GABRB1: variants seen among roughly 807,000 people sequenced by gnomAD.
GABRB1 encodes the protein gamma-aminobutyric acid type A receptor subunit beta1.
Under a neutral mutation model 51.6 loss-of-function variants are expected in GABRB1, and 17 were observed. The observed-to-expected ratio is 0.33, with a 90% CI of 0.23 to 0.49. GABRB1 has a LOEUF of 0.49. Ranked by LOEUF, GABRB1 falls within the 20% of genes least tolerant of loss-of-function variation. The pLI is 0.99. For synonymous variants in GABRB1, 247 were observed against 218.9 expected (o/e 1.13, Z -1.14); for missense variants, 410 against 600.6 (o/e 0.68, Z 3.32).
intron 3 of GABRB1, among the ~76,000 whole-genome samples, chr4:47,079,425 G>A (rs7686292): frequency 0.22 from 33,837 of 151,922 alleles, 4,840 homozygotes; most frequent in Middle Eastern, 0.33. Context: ...ATTCTCTGAT[G>A]GTAGTTTGTA....
At chr4:47,006,132 C>T (rs1039083457) in intron 1 of GABRB1, among the ~76,000 whole-genome samples, 11 of 151,674 alleles carry the variant, frequency 7.3e-5, no homozygotes, top group Admixed American at 2.0e-4. Flanking sequence ...AGATCATTTC[C>T]GACAGAATTA....
intron 5 of GABRB1, among the ~76,000 whole-genome samples, chr4:47,399,609 C>G (rs1728309686): frequency 6.6e-6 from 1 of 152,174 alleles, no homozygotes; most frequent in South Asian, 2.1e-4. Context: ...CCTGATTGAT[C>G]TGTTTGATTA....
intron 3 of GABRB1, among the ~76,000 whole-genome samples, chr4:47,140,675 G>A (rs1157939585): frequency 6.6e-6 from 1 of 151,356 alleles, no homozygotes; most frequent in Non-Finnish European, 1.5e-5. Context: ...CCATGAGAAA[G>A]TGCCCTTTCC....
At chr4:47,334,964 T>G (rs983040076) in intron 5 of GABRB1, among the ~76,000 whole-genome samples, 5 of 152,198 alleles carry the variant, frequency 3.3e-5, no homozygotes, top group Admixed American at 3.3e-4. Flanking sequence ...AATATCTTCC[T>G]GGGCAGAGTG....
chr4:47,351,017 TG>T (rs1386354280), intron 5 of GABRB1, among the ~76,000 whole-genome samples: 1 of 152,276 alleles, frequency 6.6e-6, no homozygotes, highest in South Asian at 2.1e-4. Flanking sequence ...TTTTAGAAAA[TG>T]TATAAAAATT....
intron 5 of GABRB1, among the ~76,000 whole-genome samples, chr4:47,344,880 G>A (rs1210067834): frequency 1.3e-5 from 2 of 151,960 alleles, no homozygotes; most frequent in Non-Finnish European, 2.9e-5. Flanking sequence ...GCACCACCAC[G>A]CCCAGCTAAT....
At chr4:46,995,913 A>T (rs543531079) in intron 1 of GABRB1, among the ~76,000 whole-genome samples, 42 of 152,138 alleles carry the variant, frequency 2.8e-4, no homozygotes, top group Non-Finnish European at 5.6e-4. Context: ...GGGTTATAGT[A>T]TTTAAGTTCA....
At position 47,403,300 on chromosome 4, in the gene GABRB1, T is replaced by C. The variant is rs773778765; in HGVS notation, c.545-18T>C. 6.2e-7 allele frequency: 1 copy of C among 1,612,572 alleles called. No homozygotes were observed. The highest frequency in any genetic ancestry group is 8.5e-7 in the Non-Finnish European group (1 of 1,179,290). ...TTTCCTAAACTTTGTTTAACCGTGC[T>C]GTTTTTATTGGTTTCAGATGGCTAT... On this transcript the variant is annotated intron_variant, in intron 5 of 8. Transcript: ENST00000295454.
intron 4 of GABRB1, among the ~76,000 whole-genome samples, chr4:47,222,650 T>A (rs1321664577): frequency 6.6e-6 from 1 of 152,116 alleles, no homozygotes; most frequent in African/African-American, 2.4e-5. Flanking sequence ...TGCATCCACA[T>A]AAGTGATTCT....
Position 47,365,818 on chromosome 4 carries a change from A to T in GABRB1, c.545-37500A>T, listed in dbSNP as rs566255542. ...GAGCTACACCCTCTGGATTCTGAGC[A>T]CAGCTAACCTGCTCTCTCCCTTGAC... On this transcript the variant is annotated intron_variant, in intron 5 of 8. Coordinates refer to ENST00000295454, the MANE Select transcript of GABRB1 (RefSeq NM_000812.4). 9.2e-5 allele frequency among the ~76,000 whole-genome samples: 14 copies of T among 152,282 alleles called. No homozygotes were observed. In the South Asian group the frequency reaches 2.7e-3, roughly 29 times the overall value.
At chr4:47,180,173 T>C (rs755261279) in intron 4 of GABRB1, among the ~76,000 whole-genome samples, 8 of 151,988 alleles carry the variant, frequency 5.3e-5, no homozygotes, top group Non-Finnish European at 1.0e-4. Context: ...AACACCCTGA[T>C]ACAGAGGATG....
chr4:47,274,388 C>T (rs1291239883), intron 4 of GABRB1, among the ~76,000 whole-genome samples: 3 of 152,104 alleles, frequency 2.0e-5, no homozygotes, highest in Admixed American at 1.3e-4. Context: ...AGACTTGAGG[C>T]CCGTTATTAT....
At chr4:47,310,414 T>C (rs752802746) in intron 4 of GABRB1, among the ~76,000 whole-genome samples, 7 of 152,246 alleles carry the variant, frequency 4.6e-5, no homozygotes, top group Non-Finnish European at 8.8e-5. Flanking sequence ...TATCATTTTA[T>C]ACTCACTATG....
chr4:47,264,107 G>C (rs1357022126), intron 4 of GABRB1, among the ~76,000 whole-genome samples: 3 of 151,936 alleles, frequency 2.0e-5, no homozygotes, highest in Admixed American at 1.3e-4. Context: ...ACCCCACTTC[G>C]CTCCAGCCTG....
chr4:47,375,451 A>AT (rs2110023108), intron 5 of GABRB1, among the ~76,000 whole-genome samples: 1 of 152,350 alleles, frequency 6.6e-6, no homozygotes, highest in African/African-American at 2.4e-5. Flanking sequence ...GAGCTAGGTC[A>AT]TGCTGCAGTC....
At chr4:47,218,499 CT>C (rs1183519344) in intron 4 of GABRB1, among the ~76,000 whole-genome samples, 5 of 151,706 alleles carry the variant, frequency 3.3e-5, no homozygotes, top group African/African-American at 1.2e-4. Flanking sequence ...ACATTTGTTA[CT>C]TTTTTGTCTT....
intron 1 of GABRB1, among the ~76,000 whole-genome samples, chr4:47,015,636 A>C (rs537881158): frequency 1.3e-5 from 2 of 152,336 alleles, no homozygotes; most frequent in East Asian, 3.9e-4. Context: ...AAATGGTTTC[A>C]AAGCAATAAT....
chr4:47,396,283 C>T (rs1328852731), intron 5 of GABRB1, among the ~76,000 whole-genome samples: 2 of 151,858 alleles, frequency 1.3e-5, no homozygotes, highest in Non-Finnish European at 2.9e-5. Flanking sequence ...GTGAGACTTA[C>T]TCACTATCAG....
intron 5 of GABRB1, among the ~76,000 whole-genome samples, chr4:47,326,005 A>G (rs1725245009): frequency 6.6e-6 from 1 of 152,212 alleles, no homozygotes; most frequent in Non-Finnish European, 1.5e-5. Flanking sequence ...TTTTTGTCTG[A>G]AAATATTAAA....
Sources: gnomAD v4.1 joint callset for allele counts (sites outside exome capture counted in the v4.1 genomes callset) on GRCh38, gnomAD v4.1.1 for gene constraint, MANE v1.5 for transcripts, NCBI Gene and HGNC (gene_info 2026-07-23, HGNC 2026-07-21) for gene names.